GGT1: variants seen among roughly 807,000 people sequenced by gnomAD.
GGT1 encodes the protein glutathione hydrolase 1 proenzyme.
In GGT1, 21 loss-of-function variants were observed where a neutral mutation model predicts 56.0. That is an observed-to-expected ratio of 0.38 (90% confidence interval 0.27 to 0.54). The LOEUF (loss-of-function observed/expected upper bound fraction) is 0.54, where lower values mean the gene tolerates loss of function less well. Ranked by LOEUF, GGT1 falls within the 20% of genes least tolerant of loss-of-function variation. The pLI, the probability that GGT1 is intolerant of heterozygous loss-of-function variation, is 0.82. For missense variants in GGT1, 466 were observed against 787.0 expected (o/e 0.59, Z 4.88); for synonymous variants, 238 against 342.6 (o/e 0.69, Z 3.37).
At position 24,623,210 on chromosome 22, in the gene GGT1, G is replaced by A. The variant is rs1453472410; in HGVS notation, c.837G>A (p.Ala279=). Residue 279 remains alanine (A), a synonymous_variant, in exon 10 of 16, where the codon GCG becomes GCA. Transcript: ENST00000400382. The part of the protein sequence containing the change: ...LGDVVLYMPS[A]PLSGPVLALI... Reference sequence around the variant, plus strand: ...ACGTGGTGCTGTACATGCCCAGTGCGCCGCTCAGCGGGCCCGTGCTGGCCC... The same window carrying A: ...ACGTGGTGCTGTACATGCCCAGTGCACCGCTCAGCGGGCCCGTGCTGGCCC... 8.1e-6 allele frequency: 13 copies of A among 1,599,906 alleles called. No individual in the cohort carries two copies. Among genetic ancestry groups the A allele is most frequent in the Admixed American group, 5.2e-5 (3 of 57,772 alleles).
intron 5 of GGT1, among the ~76,000 whole-genome samples, chr22:24,613,513 G>T (rs1186743828): frequency 6.6e-6 from 1 of 152,212 alleles, no homozygotes; most frequent in African/African-American, 2.4e-5. Flanking sequence ...ACTTTGGGAG[G>T]TTGAGGCGGG....
intron 1 of GGT1, among the ~76,000 whole-genome samples, chr22:24,596,914 CAAAAAAAAAAA>C (rs78452000): frequency 1.6e-5 from 1 of 63,026 alleles, no homozygotes; most frequent in African/African-American, 6.1e-5. Flanking sequence ...GACTCTGTCT[CAAAAAAAAAAA>C]AAAAAAAAAA....
In GGT1 at chr22:24,620,630, A is replaced by C; in HGVS notation, c.575+110A>C. On this transcript the variant is annotated intron_variant, in intron 8 of 15. Coordinates refer to ENST00000400382, the MANE Select transcript of GGT1 (RefSeq NM_001288833.2). The surrounding 1 kb of genome is among the most constrained non-coding windows in gnomAD (Gnocchi z 5.6). ...CCTCTGCCTTCAGGACCCTGTGCTG[A>C]TAATGGGATGAGGAGATACAGACCC... The C allele has an allele frequency of 6.4e-7, 1 of 1,564,124 alleles. No homozygotes were observed. Among genetic ancestry groups the C allele is most frequent in the Non-Finnish European group, 8.6e-7 (1 of 1,156,742 alleles).
chr22:24,605,036 A>ATATATATATATATATATAT (rs752986628), intron 1 of GGT1, among the ~76,000 whole-genome samples: 1 of 71,158 alleles, frequency 1.4e-5, no homozygotes, highest in African/African-American at 7.9e-5. Flanking sequence ...ATATATATAT[A>ATATATATATATATATATAT]AAATATGTAA....
rs201401901 is a variant in GGT1, at chr22:24,627,439, G to T, written c.1028G>T (p.Arg343Leu). The change falls in exon 12 of 16, where the codon CGC becomes CTC. Residue 343 changes from arginine to leucine, a missense_variant. Arg to Leu is a moderately radical substitution (Grantham distance 102). Coordinates refer to ENST00000400382, the MANE Select transcript of GGT1 (RefSeq NM_001288833.2). ...PKFVDVTEVV[R>L]NMTSEFFAAQ... is the part of the protein sequence containing the mutation. ...GCTCTGGGGTCTCGGCAGGTGGTCCGCAACATGACCTCCGAGTTCTTCGCT... is the reference window on the plus strand; with the variant it reads ...GCTCTGGGGTCTCGGCAGGTGGTCCTCAACATGACCTCCGAGTTCTTCGCT... 1.3e-6 allele frequency: 2 copies of T among 1,568,408 alleles called. No homozygotes were observed. The highest frequency in any genetic ancestry group is 3.5e-5 in the Admixed American group (2 of 57,908).
rs369750420 is a variant in GGT1, at chr22:24,606,619, T to G, written c.-428-1335T>G. Reference sequence around the variant, plus strand: ...TCACCCTGATCTTCACGGGGAGGAATAGCCTGGGAAAGGACTTGGTCACAG... The same window carrying G: ...TCACCCTGATCTTCACGGGGAGGAAGAGCCTGGGAAAGGACTTGGTCACAG... On this transcript the variant is annotated intron_variant, in intron 1 of 15. Coordinates refer to ENST00000400382, the MANE Select transcript of GGT1 (RefSeq NM_001288833.2). Among the ~76,000 whole-genome samples, 4 of 152,120 alleles carry G rather than the reference T, an allele frequency of 2.6e-5. No individual in the cohort carries two copies. The East Asian group carries it at 7.7e-4, about 29-fold the overall frequency.
At chr22:24,586,950 C>A in the GGT1 span, among the ~76,000 whole-genome samples, 1 of 152,342 alleles carries the variant, frequency 6.6e-6, no homozygotes, top group South Asian at 2.1e-4. Context: ...AAGGCTCTTT[C>A]TTCATGAACT....
intron 2 of GGT1, chr22:24,608,964 A>G (rs1441127991): frequency 2.0e-5 from 3 of 152,172 alleles, no homozygotes. Context: ...CGGCCATGTG[A>G]TGGGAATGTT....
At chr22:24,596,091 T>A (rs1569042135) in intron 1 of GGT1, among the ~76,000 whole-genome samples, 2 of 152,162 alleles carry the variant, frequency 1.3e-5, no homozygotes, top group Non-Finnish European at 2.9e-5. Flanking sequence ...CCAGGAATTG[T>A]CATGAGGCTG....
At chr22:24,624,857 G>T (rs574950756) in intron 11 of GGT1, 2 of 151,910 alleles carry the variant, frequency 1.3e-5, no homozygotes, top group Non-Finnish European at 2.9e-5. Context: ...TCCCTTCAGG[G>T]TATCCCCTCC....
upstream of GGT1, chr22:24,589,853 T>C: frequency 6.2e-7 from 1 of 1,613,800 alleles, no homozygotes; most frequent in African/African-American, 1.3e-5. Flanking sequence ...CGGGCCAGGT[T>C]CACAAGCAGG....
At chr22:24,605,670 T>TATA (rs1459383481) in intron 1 of GGT1, among the ~76,000 whole-genome samples, 2 of 42,350 alleles carry the variant, frequency 4.7e-5, no homozygotes, top group Non-Finnish European at 7.2e-5. Context: ...TATTATATAT[T>TATA]TAATATTATA....
At chr22:24,601,039 T>C (rs551636089), upstream of GGT1, among the ~76,000 whole-genome samples, 1 of 152,252 alleles carries the variant, frequency 6.6e-6, no homozygotes, top group East Asian at 1.9e-4. Context: ...GCTATGATGT[T>C]TGGATTTGAA....
At chr22:24,586,227 TGG>T in the GGT1 span, 1 of 1,613,728 alleles carries the variant, frequency 6.2e-7, no homozygotes, top group Non-Finnish European at 8.5e-7. Flanking sequence ...GCCCACAGGC[TGG>T]GCAGCAGGAG....
chr22:24,593,124 C>T (rs2045624527), upstream of GGT1: 2 of 1,013,388 alleles, frequency 2.0e-6, no homozygotes, highest in East Asian at 9.8e-5. Flanking sequence ...CGCCCCGCCT[C>T]CAATCACCGC....
At chr22:24,589,314 G>A in the GGT1 span, 1 of 1,190,450 alleles carries the variant, frequency 8.4e-7, no homozygotes, top group Non-Finnish European at 1.1e-6. Context: ...GCAAGGAGGA[G>A]GGCCTTGCTT....
chr22:24,605,140 ATATATAATATGTATTATATTATATAT>A (rs2045991937), intron 1 of GGT1, among the ~76,000 whole-genome samples: 2 of 23,194 alleles, frequency 8.6e-5, no homozygotes, highest in Non-Finnish European at 1.6e-4. Context: ...ATATTATATA[ATATATAATATGTATTATATTATATAT>A]TATATAATAT....
intron 5 of GGT1, among the ~76,000 whole-genome samples, chr22:24,612,029 A>G (rs539950031): frequency 1.3e-5 from 2 of 151,518 alleles, no homozygotes; most frequent in East Asian, 1.9e-4. Context: ...CTGGTCTTGA[A>G]CTCCTGACCT....
intron 1 of GGT1, among the ~76,000 whole-genome samples, chr22:24,605,405 A>G (rs1234532009): frequency 1.2e-5 from 1 of 83,408 alleles, no homozygotes; most frequent in Admixed American, 2.3e-4. Context: ...TATATTATAT[A>G]ATATTATATA....
Sources: allele counts gnomAD v4.1 joint callset (sites outside exome capture counted in the v4.1 genomes callset), GRCh38; gene constraint gnomAD v4.1.1; non-coding constraint Gnocchi (gnomAD v3.1); transcripts MANE v1.5; gene names NCBI Gene and HGNC (gene_info 2026-07-23, HGNC 2026-07-21).